Variants in LIMCH1 observed in about 807,000 individuals in gnomAD.
LIMCH1 encodes the protein LIM and calponin homology domains 1, also known as LIM and calponin homology domains-containing protein 1.
A neutral mutation model predicts 176.5 loss-of-function variants in LIMCH1; 113 were observed. That is an observed-to-expected ratio of 0.64 (90% confidence interval 0.55 to 0.75). The LOEUF (loss-of-function observed/expected upper bound fraction) is 0.75. LIMCH1 is among the 30% of genes least tolerant of loss of function. The probability of loss-of-function intolerance (pLI) is 0.00; values close to 1 mark genes in which losing one functional copy is unlikely to be tolerated. For synonymous variants in LIMCH1, 619 were observed against 645.9 expected, an observed-to-expected ratio of 0.96 and a Z score of 0.63; for missense variants, 1,674 against 1,814.9, an observed-to-expected ratio of 0.92 and a Z score of 1.41.
At chr4:41,406,064 A>AAGG (rs1339372053) in intron 1 of LIMCH1, among the ~76,000 whole-genome samples, 1 of 152,180 alleles carries the variant, frequency 6.6e-6, no homozygotes. Context: ...ACACACAAAA[A>AAGG]AGGAGCTTTT....
At chr4:41,466,328 T>C (rs1422341043) in intron 1 of LIMCH1, among the ~76,000 whole-genome samples, 1 of 152,206 alleles carries the variant, frequency 6.6e-6, no homozygotes, top group Non-Finnish European at 1.5e-5. Context: ...CGAGGACACA[T>C]TAAATTAACT....
chr4:41,431,522 TTTAAAGAAC>T (rs1469187864), intron 1 of LIMCH1, among the ~76,000 whole-genome samples: 1 of 152,224 alleles, frequency 6.6e-6, no homozygotes, highest in Non-Finnish European at 1.5e-5. Flanking sequence ...CTTACTGGTT[TTTAAAGAAC>T]TTCATTACAT....
intron 1 of LIMCH1, among the ~76,000 whole-genome samples, chr4:41,466,797 A>G (rs1302229298): frequency 6.6e-6 from 1 of 152,160 alleles, no homozygotes; most frequent in African/African-American, 2.4e-5. Context: ...CATTTAAACT[A>G]TTTTTAAGTG....
At chr4:41,603,432 A>T (rs184573090) in intron 2 of LIMCH1, among the ~76,000 whole-genome samples, 1 of 152,338 alleles carries the variant, frequency 6.6e-6, no homozygotes, top group Admixed American at 6.5e-5. Flanking sequence ...TCCTTCTTGT[A>T]CACATATTTT....
intron 22 of LIMCH1, among the ~76,000 whole-genome samples, chr4:41,674,121 AAT>A (rs1377203029): frequency 6.6e-6 from 1 of 151,996 alleles, no homozygotes; most frequent in African/African-American, 2.4e-5. Flanking sequence ...CTCCTCTTAA[AAT>A]ACCCACTGCT....
intron 1 of LIMCH1, among the ~76,000 whole-genome samples, chr4:41,425,363 T>A (rs2060980285): frequency 6.6e-6 from 1 of 152,196 alleles, no homozygotes; most frequent in African/African-American, 2.4e-5. Flanking sequence ...TTTTCTTTTT[T>A]AAAGACGGAG....
In LIMCH1 at chr4:41,653,246, T is replaced by C. The variant is rs2094360851; in HGVS notation, c.3036+2638T>C. Among the ~76,000 whole-genome samples the C allele has an allele frequency of 2.6e-5, 4 of 152,126 alleles. No individual in the cohort carries two copies. In the South Asian group the frequency reaches 8.3e-4, roughly 32 times the overall value. The stretch of plus-strand genomic sequence containing the variant: ...CAAGAGTCATTTTAAAAGAATCACT[T>C]CTCCAGTAAACCTACTCCCCATTTT... On this transcript the variant is annotated intron_variant, in intron 18 of 31. Coordinates refer to ENST00000503057, the MANE Select transcript of LIMCH1 (RefSeq NM_001330672.2).
intron 1 of LIMCH1, among the ~76,000 whole-genome samples, chr4:41,583,781 CTCT>C (rs372807018): frequency 0.046 from 6,949 of 151,630 alleles, 492 homozygotes; most frequent in African/African-American, 0.16. Context: ...CTCTCTCTCT[CTCT>C]TTTTTTTTTT....
chr4:41,561,364 T>G (rs935240784), intron 1 of LIMCH1, among the ~76,000 whole-genome samples: 20 of 152,342 alleles, frequency 1.3e-4, no homozygotes, highest in Admixed American at 1.2e-3. Flanking sequence ...TCCAATTAAC[T>G]TTGCTGCTGA....
chr4:41,558,067 C>T (rs755161469), intron 1 of LIMCH1, among the ~76,000 whole-genome samples: 3 of 152,048 alleles, frequency 2.0e-5, no homozygotes, highest in South Asian at 2.1e-4. Context: ...GGACCCCTCA[C>T]GGTGCCTGGA....
chr4:41,555,321 G>A (rs1320657096), intron 1 of LIMCH1, among the ~76,000 whole-genome samples: 1 of 152,102 alleles, frequency 6.6e-6, no homozygotes, highest in Admixed American at 6.6e-5. Context: ...AAGAGCATGC[G>A]GTGAATACTG....
intron 1 of LIMCH1, among the ~76,000 whole-genome samples, chr4:41,540,533 G>A (rs1248759533): frequency 2.0e-5 from 3 of 152,174 alleles, no homozygotes; most frequent in East Asian, 1.9e-4. Context: ...GAGATCAGGC[G>A]TTCGAGACCA....
intron 5 of LIMCH1, among the ~76,000 whole-genome samples, chr4:41,614,342 G>T (rs1448343913): frequency 5.9e-5 from 9 of 152,274 alleles, no homozygotes; most frequent in Non-Finnish European, 1.2e-4. Context: ...TGATATACAC[G>T]TAATGCCTAT....
rs1723749258 is a variant in LIMCH1, at chr4:41,689,611, C to G, written c.4251C>G (p.Leu1417=). The change falls in exon 30 of 32, where the codon CTC becomes CTG. Residue 1417 remains leucine (L), a synonymous_variant. Transcript: ENST00000503057. ...CAATGATCATCGAGACCCTCAATCT[C>G]TATTTTCACATCCAGTGTTTCAGGG... ...GAAMIIETLN[L]YFHIQCFRCG... is the part of the protein sequence containing the mutation. 6.2e-7 allele frequency: 1 copy of G among 1,609,168 alleles called. No homozygotes were observed.
At chr4:41,439,898 C>A (rs1478949905) in intron 1 of LIMCH1, among the ~76,000 whole-genome samples, 1 of 152,018 alleles carries the variant, frequency 6.6e-6, no homozygotes, top group East Asian at 1.9e-4. Context: ...GGCAAAACTC[C>A]ATCTCAAAAA....
chr4:41,591,836 G>T (rs1040380589), intron 1 of LIMCH1, among the ~76,000 whole-genome samples: 6 of 152,194 alleles, frequency 3.9e-5, no homozygotes, highest in African/African-American at 1.4e-4. Flanking sequence ...CGCCAAGAAG[G>T]TTGGGCACAG....
intron 1 of LIMCH1, among the ~76,000 whole-genome samples, chr4:41,487,854 G>A (rs143001516): frequency 0.061 from 9,101 of 150,192 alleles, 314 homozygotes; most frequent in Non-Finnish European, 0.07. Context: ...GGGTTTCACC[G>A]TGTTAGCCAG....
chr4:41,467,567 A>G (rs144737724), intron 1 of LIMCH1, among the ~76,000 whole-genome samples: 1,876 of 152,264 alleles, frequency 0.012, 38 homozygotes, highest in African/African-American at 0.043. Flanking sequence ...GGAGAACAGC[A>G]TAGGAAAAAC....
At chr4:41,638,102 T>G (rs1005314102) in intron 13 of LIMCH1, among the ~76,000 whole-genome samples, 2 of 87,046 alleles carry the variant, frequency 2.3e-5, no homozygotes, top group Non-Finnish European at 5.4e-5. Flanking sequence ...GCTGTGTTGT[T>G]TTGTTGTTGT....
Sources: allele counts gnomAD v4.1 joint callset (sites outside exome capture counted in the v4.1 genomes callset), GRCh38; gene constraint gnomAD v4.1.1; transcripts MANE v1.5; gene names NCBI Gene and HGNC (gene_info 2026-07-23, HGNC 2026-07-21).